The following TPR variants were observed in gnomAD, a reference collection of about 807,000 sequenced individuals.
The protein encoded by TPR is nucleoprotein TPR.
In TPR, 51 loss-of-function variants were observed where a neutral mutation model predicts 316.1. That is an observed-to-expected ratio of 0.16 (90% CI 0.13 to 0.20). The LOEUF (loss-of-function observed/expected upper bound fraction) is 0.20, where lower values mean the gene tolerates loss of function less well. Ranked by LOEUF, TPR falls within the 10% of genes least tolerant of loss-of-function variation. The probability of loss-of-function intolerance (pLI) is 1.00; values close to 1 mark genes in which losing one functional copy is unlikely to be tolerated. For missense variants in TPR, 2,272 were observed against 2,754.8 expected, an observed-to-expected ratio of 0.82 and a Z score of 3.92; for synonymous variants, 981 against 914.7, an observed-to-expected ratio of 1.07 and a Z score of -1.31.
chr1:186,327,802 A>G (rs1658047042), intron 39 of TPR, 142 bp from the exon 40 acceptor site: 1 of 716,168 alleles, frequency 1.4e-6, no homozygotes, highest in East Asian at 2.9e-5. Context: ...TTTTTTTTTG[A>G]GACAGTCTCG....
intron 4 of TPR, among the ~76,000 whole-genome samples, chr1:186,363,937 C>A (rs558342827): frequency 1.3e-5 from 2 of 152,208 alleles, no homozygotes; most frequent in Non-Finnish European, 2.9e-5. Flanking sequence ...GTAATACATA[C>A]TGTATTACTG....
At chr1:186,336,755 G>T in intron 32 of TPR, 61 bp from the exon 33 acceptor site, 4 of 1,507,016 alleles carry the variant, frequency 2.7e-6, no homozygotes, top group Non-Finnish European at 1.8e-6. Flanking sequence ...AACTGTATGT[G>T]GTAGCAACTT....
At chr1:186,368,452 T>G (rs1228374879) in intron 3 of TPR, among the ~76,000 whole-genome samples, 1 of 151,682 alleles carries the variant, frequency 6.6e-6, no homozygotes, top group South Asian at 2.1e-4. Context: ...TCTCTACAAG[T>G]AGAAAAAAAC....
chr1:186,351,334 A>T lies in TPR; in HGVS notation c.2606T>A (p.Leu869Gln). Residue 869 changes from leucine (L) to glutamine (Q), a missense_variant, in exon 20 of 51, where the codon CTA (leucine) becomes CAA (glutamine). Transcript: ENST00000367478. ...TCAGAACTCTGATGGACTCACATCT[A>T]GATTTCTAGTAAGTGTATGCCTTTG... ...VEQRHTLTRN[L>Q]DVQLLDTKRQ... The T allele has an allele frequency of 6.2e-7, 1 of 1,607,766 alleles. No individual in the cohort carries two copies. Among genetic ancestry groups the T allele is most frequent in the Non-Finnish European group, 8.5e-7 (1 of 1,177,538 alleles).
intron 48 of TPR, among the ~76,000 whole-genome samples, chr1:186,317,812 A>T (rs930920920): frequency 2.6e-5 from 4 of 152,172 alleles, no homozygotes; most frequent in African/African-American, 4.8e-5. Context: ...TCTCACTATG[A>T]CATGTTCCAA....
At chr1:186,354,736 G>C (rs1658971990) in intron 17 of TPR, among the ~76,000 whole-genome samples, 1 of 152,036 alleles carries the variant, frequency 6.6e-6, no homozygotes, top group South Asian at 2.1e-4. Flanking sequence ...AAACTACATA[G>C]CACTTGCTTC....
chr1:186,372,326 G>A (rs1031435408), intron 2 of TPR, among the ~76,000 whole-genome samples: 2 of 152,188 alleles, frequency 1.3e-5, no homozygotes, highest in African/African-American at 2.4e-5. Context: ...AGAATCGCTC[G>A]AGGCCAGGAG....
Position 186,313,570 on chromosome 1 carries a change from C to G in TPR, c.*401G>C. Reference sequence around the variant, plus strand: ...AGTTCAAATTAATTAGTAAAAACATCTCTATTAAAATGATAAACATTGTCT... The same window carrying G: ...AGTTCAAATTAATTAGTAAAAACATGTCTATTAAAATGATAAACATTGTCT... On this transcript the variant is annotated 3_prime_UTR_variant, in exon 51 of 51. Transcript: ENST00000367478. The G allele has an allele frequency of 1.5e-6, 1 of 683,864 alleles. No individual in the cohort carries two copies. The highest frequency in any genetic ancestry group is 1.8e-5 in the South Asian group (1 of 56,542). The allele number at this position is 683,864 out of a possible 1,614,324, so 42.4% of individuals were successfully genotyped here.
Position 186,359,937 on chromosome 1 carries a change from T to A in TPR, c.1251A>T (p.Lys417Asn), listed in dbSNP as rs1659134003. 6.2e-7 allele frequency: 1 copy of A among 1,609,394 alleles called. No individual in the cohort carries two copies. Among genetic ancestry groups the A allele is most frequent in the Non-Finnish European group, 8.5e-7 (1 of 1,178,808 alleles). ...DQLLLEKLEN[K>N]RINKYLDEIV... ...TTTCATCTAGGTACTTATTAATTCT[T>A]TTGTTCTCTAGTTTCTCCAAAAGCA... The change falls in exon 12 of 51, where the codon AAA becomes AAT. Residue 417 changes from lysine (K) to asparagine (N), a missense_variant. Physicochemically the swap from Lys to Asn is moderately conservative, Grantham distance 94 (BLOSUM62 0). Coordinates refer to ENST00000367478, the MANE Select transcript of TPR (RefSeq NM_003292.3).
Position 186,313,370 on chromosome 1 carries a change from T to C in TPR, c.*601A>G, listed in dbSNP as rs572325418. The C allele has an allele frequency of 3.8e-5, 13 of 342,392 alleles. No homozygotes were observed. Among genetic ancestry groups the C allele is most frequent in the Non-Finnish European group, 4.8e-5 (9 of 186,484 alleles). The allele number at this position is 342,392 out of a possible 1,614,324, so 21.2% of individuals were successfully genotyped here. A position where few individuals can be genotyped will look rare whatever the true frequency, so the allele number is the denominator to read the frequency against. On this transcript the variant is annotated 3_prime_UTR_variant, in exon 51 of 51. Coordinates refer to ENST00000367478, the MANE Select transcript of TPR (RefSeq NM_003292.3). ...TCATAATATGAATGACATTGGCATG[T>C]ATTTTTTAAAAGGAATAACCCCAAG...
At chr1:186,329,818 A>C (rs1213169971) in intron 39 of TPR, among the ~76,000 whole-genome samples, 1 of 152,158 alleles carries the variant, frequency 6.6e-6, no homozygotes, top group Non-Finnish European at 1.5e-5. Flanking sequence ...GCTTGAGACA[A>C]TTCCTTAATT....
intron 42 of TPR, among the ~76,000 whole-genome samples, chr1:186,324,439 C>T (rs1410798510): frequency 6.6e-6 from 1 of 152,128 alleles, no homozygotes; most frequent in African/African-American, 2.4e-5. Flanking sequence ...ACAAATGTCT[C>T]TCAAATGTCT....
intron 50 of TPR, chr1:186,314,408 T>C (rs562790970): frequency 1.4e-5 from 5 of 362,000 alleles, no homozygotes; most frequent in Admixed American, 8.5e-5. Context: ...AAGAAATCAA[T>C]AAATATAAAA....
intron 39 of TPR, 80 bp downstream of exon 39, chr1:186,331,418 C>T: frequency 1.1e-6 from 1 of 948,078 alleles, no homozygotes; most frequent in Non-Finnish European, 1.6e-6. Flanking sequence ...AAAAAAAGAC[C>T]AAATAATGTT....
chr1:186,360,756 T>C lies in TPR; in HGVS notation c.1099+9A>G, dbSNP rs373482917. The C allele has an allele frequency of 5.0e-6, 8 of 1,612,140 alleles. No homozygotes were observed. The highest frequency in any genetic ancestry group is 6.8e-6 in the Non-Finnish European group (8 of 1,178,928). ...TTTCAACTCACTAACAAGCATCTAT[T>C]AGCCATACCTTTACGTTTTGTGGCA... On this transcript the variant is annotated intron_variant, in intron 10 of 50. Transcript: ENST00000367478.
At chr1:186,355,189 G>C (rs1658987044) in intron 17 of TPR, among the ~76,000 whole-genome samples, 2 of 152,136 alleles carry the variant, frequency 1.3e-5, no homozygotes, top group African/African-American at 4.8e-5. Flanking sequence ...ACAGGCGTGA[G>C]CTGCTGCGCC....
chr1:186,362,988 C>A lies in TPR; in HGVS notation c.545G>T (p.Arg182Leu), dbSNP rs201785457. 14 of 1,600,584 alleles carry A rather than the reference C, an allele frequency of 8.7e-6. No homozygotes were observed. In the African/African-American group the frequency reaches 1.6e-4, roughly 18 times the overall value. The change falls in exon 6 of 51, where the codon CGC becomes CTC. Residue 182 changes from arginine (R) to leucine (L), a missense_variant. Arg to Leu is a moderately radical substitution (Grantham distance 102). This residue lies in a region of TPR where 549 missense variants were observed against 598.6 expected (regional missense o/e 0.92). Coordinates refer to ENST00000367478, the MANE Select transcript of TPR (RefSeq NM_003292.3). ...TAGCAATTCCTTTTCTTGCTCCAAG[C>A]GTTTTTCTCGATACTAAAGAAATCC... ...SDVSVKYREKRLEQEKELLHS... is the reference protein window; with the variant it reads ...SDVSVKYREKLLEQEKELLHS...
chr1:186,348,048 G>T (rs142155868), intron 21 of TPR, among the ~76,000 whole-genome samples: 1 of 152,066 alleles, frequency 6.6e-6, no homozygotes, highest in African/African-American at 2.4e-5. Context: ...CCTTGAAAAA[G>T]AACAGAATAA....
In TPR at chr1:186,359,918, C is replaced by T. The variant is rs1265930248; in HGVS notation, c.1270G>A (p.Asp424Asn). ...LENKRINKYL[D>N]EIVKEVEAKA... ...GCTTCCACTTCTTTCACTATTTCAT[C>T]TAGGTACTTATTAATTCTTTTGTTC... is the stretch of plus-strand genomic sequence containing the variant. The change falls in exon 12 of 51, where the codon GAT (aspartate) becomes AAT (asparagine). Residue 424 changes from aspartate (D) to asparagine (N), a missense_variant. Physicochemically the swap from Asp to Asn is conservative, Grantham distance 23 (BLOSUM62 1). Coordinates refer to ENST00000367478, the MANE Select transcript of TPR (RefSeq NM_003292.3). 1.2e-6 allele frequency: 2 copies of T among 1,609,248 alleles called. No homozygotes were observed. Among genetic ancestry groups the T allele is most frequent in the African/African-American group, 1.3e-5 (1 of 74,598 alleles).
Sources: gnomAD v4.1 joint callset for allele counts (sites outside exome capture counted in the v4.1 genomes callset) on GRCh38, gnomAD v4.1.1 for gene constraint, gnomAD v4.1.1 regional missense constraint, MANE v1.5 for transcripts, NCBI Gene and HGNC (gene_info 2026-07-23, HGNC 2026-07-21) for gene names.